GPHN: variants seen among roughly 807,000 people sequenced by gnomAD.
GPHN encodes gephyrin.
GPHN carries 17 observed loss-of-function variants against 95.5 expected under a neutral mutation model. The ratio of observed to expected loss-of-function variants is 0.18; its 90% CI spans 0.12 to 0.27. The LOEUF is 0.27. GPHN is among the 10% of genes least tolerant of loss of function. GPHN has a pLI of 1.00. For missense variants in GPHN, 660 were observed against 978.1 expected, an observed-to-expected ratio of 0.67 and a Z score of 4.34; for synonymous variants, 320 against 322.5, an observed-to-expected ratio of 0.99 and a Z score of 0.08.
chr14:66,968,748 G>A (rs1260135307), intron 9 of GPHN, among the ~76,000 whole-genome samples: 1 of 152,068 alleles, frequency 6.6e-6, no homozygotes, highest in East Asian at 1.9e-4. Context: ...CATTAAATAA[G>A]TCTTTGCCTG....
the GPHN span, chr14:67,557,560 T>A: frequency 1.4e-6 from 1 of 695,936 alleles, no homozygotes; most frequent in Non-Finnish European, 2.3e-6. Context: ...TGTGAAAATT[T>A]AATTATAGGA....
chr14:67,278,997 C>G, the GPHN span: 2 of 552,464 alleles, frequency 3.6e-6, no homozygotes, highest in Non-Finnish European at 5.9e-6. Context: ...ACACTTTTTT[C>G]CCCCCCATCT....
intron 13 of GPHN, among the ~76,000 whole-genome samples, chr14:67,104,759 T>C (rs1020219699): frequency 2.6e-5 from 4 of 152,162 alleles, no homozygotes; most frequent in African/African-American, 9.6e-5. Flanking sequence ...GTCTAGCTAA[T>C]GCTTTGTCAA....
At chr14:66,827,341 A>C (rs969918032) in intron 4 of GPHN, among the ~76,000 whole-genome samples, 11 of 151,952 alleles carry the variant, frequency 7.2e-5, no homozygotes, top group African/African-American at 2.7e-4. Flanking sequence ...AACAAAAGGC[A>C]CTCTGTACTG....
intron 1 of GPHN, among the ~76,000 whole-genome samples, chr14:66,624,744 T>C (rs1335003723): frequency 6.6e-6 from 1 of 152,222 alleles, no homozygotes; most frequent in African/African-American, 2.4e-5. Context: ...CACTTGAGAC[T>C]GTATGGGGCT....
the GPHN span, among the ~76,000 whole-genome samples, chr14:67,708,187 A>G: frequency 6.6e-6 from 1 of 152,234 alleles, no homozygotes; most frequent in African/African-American, 2.4e-5. Flanking sequence ...AAAAGCTGTA[A>G]ATAGCTTAAA....
the GPHN span, among the ~76,000 whole-genome samples, chr14:67,596,439 C>T: frequency 1.3e-5 from 2 of 151,730 alleles, no homozygotes; most frequent in East Asian, 3.9e-4. Context: ...CCGCACCCGG[C>T]AAAGCTATGA....
chr14:67,643,805 G>T, the GPHN span, among the ~76,000 whole-genome samples: 5 of 127,264 alleles, frequency 3.9e-5, no homozygotes, highest in Non-Finnish European at 8.0e-5. Flanking sequence ...GAACAGAAAT[G>T]AAATCTTTGT....
the GPHN span, among the ~76,000 whole-genome samples, chr14:67,676,513 T>C: frequency 2.0e-5 from 3 of 152,132 alleles, no homozygotes; most frequent in Admixed American, 6.5e-5. Flanking sequence ...GGAGGATCGC[T>C]TGAGCCCAGA....
chr14:67,024,598 A>G (rs1451323741), intron 10 of GPHN, among the ~76,000 whole-genome samples: 1 of 152,236 alleles, frequency 6.6e-6, no homozygotes, highest in Non-Finnish European at 1.5e-5. Context: ...AACATCAGCA[A>G]AGGCAAAAAG....
chr14:66,748,218 C>A (rs1229621705), intron 2 of GPHN, among the ~76,000 whole-genome samples: 4 of 151,930 alleles, frequency 2.6e-5, no homozygotes, highest in Non-Finnish European at 5.9e-5. Context: ...AAAAAAAATA[C>A]TTTTACTATA....
downstream of GPHN, among the ~76,000 whole-genome samples, chr14:67,182,595 A>G (rs369586071): frequency 3.3e-5 from 5 of 152,308 alleles, no homozygotes; most frequent in African/African-American, 9.6e-5. Flanking sequence ...AATATTTGTT[A>G]AGCATCTATT....
intron 1 of GPHN, among the ~76,000 whole-genome samples, chr14:66,632,884 A>C (rs2063897416): frequency 6.6e-6 from 1 of 152,146 alleles, no homozygotes; most frequent in Non-Finnish European, 1.5e-5. Flanking sequence ...AACAACAACA[A>C]AAAAGGAATT....
chr14:67,733,167 G>A, the GPHN span, among the ~76,000 whole-genome samples: 1 of 152,048 alleles, frequency 6.6e-6, no homozygotes, highest in African/African-American at 2.4e-5. Flanking sequence ...TGAGAACTGT[G>A]TTCTGCTCCC....
chr14:66,533,357 A>G (rs1376348361), intron 1 of GPHN, among the ~76,000 whole-genome samples: 1 of 152,212 alleles, frequency 6.6e-6, no homozygotes, highest in Non-Finnish European at 1.5e-5. Context: ...TGTTGCCACC[A>G]TTGATTTCCA....
chr14:66,802,566 G>T (rs955173398), intron 3 of GPHN, among the ~76,000 whole-genome samples: 8 of 152,212 alleles, frequency 5.3e-5, no homozygotes, highest in Non-Finnish European at 8.8e-5. Context: ...GGAATGTGCA[G>T]AATCTCACCT....
chr14:67,647,842 A>T, the GPHN span: 1 of 581,108 alleles, frequency 1.7e-6, no homozygotes, highest in Non-Finnish European at 3.0e-6. Context: ...TGGCAGTATC[A>T]TGAAGTGGTA....
chr14:67,134,651 G>C (rs1007146113), intron 17 of GPHN, among the ~76,000 whole-genome samples: 3 of 152,268 alleles, frequency 2.0e-5, no homozygotes, highest in Non-Finnish European at 4.4e-5. Context: ...TCTTGTGAGA[G>C]AGTTGTATAC....
At chr14:67,476,203 A>G in the GPHN span, among the ~76,000 whole-genome samples, 1 of 152,250 alleles carries the variant, frequency 6.6e-6, no homozygotes, top group Admixed American at 6.5e-5. Flanking sequence ...CAGCTGAAGC[A>G]GGCCTGGTCA....
Sources: allele counts gnomAD v4.1 joint callset (sites outside exome capture counted in the v4.1 genomes callset), GRCh38; gene constraint gnomAD v4.1.1; transcripts MANE v1.5; gene names NCBI Gene and HGNC (gene_info 2026-07-23, HGNC 2026-07-21).